The following PYCR2 variants were observed in gnomAD, a reference collection of about 807,000 sequenced individuals.
PYCR2 encodes the protein pyrroline-5-carboxylate reductase 2, also known as P5C reductase 2.
In PYCR2, 17 loss-of-function variants were observed where a neutral mutation model predicts 23.4. The observed-to-expected ratio is 0.73, with a 90% confidence interval of 0.50 to 1.09. The LOEUF (loss-of-function observed/expected upper bound fraction) is 1.09. Among genes scored for constraint, PYCR2 ranks in the 50% least tolerant of loss-of-function variants. The pLI is 0.00. For synonymous variants in PYCR2, 172 were observed against 176.6 expected, an observed-to-expected ratio of 0.97 and a Z score of 0.21; for missense variants, 380 against 423.5, an observed-to-expected ratio of 0.90 and a Z score of 0.90.
chr1:225,924,075 G>C lies in PYCR2; in HGVS notation c.36C>G (p.Ala12=). 1 of 1,545,328 alleles carries C rather than the reference G, an allele frequency of 6.5e-7. No homozygotes were observed. Among genetic ancestry groups the C allele is most frequent in the Non-Finnish European group, 8.7e-7 (1 of 1,148,244 alleles). Residue 12 remains alanine, a synonymous_variant, in exon 1 of 7, where the codon GCC becomes GCG. Coordinates refer to ENST00000343818, the MANE Select transcript of PYCR2 (RefSeq NM_013328.4). ...CCGTGAAGCCCCGCGCCAGAGCATA[G>C]GCCAGCTGGCCGGCCCCGATGAAGC... is the stretch of plus-strand genomic sequence containing the variant. ...SVGFIGAGQL[A]YALARGFTAA...
Position 225,922,380 on chromosome 1 carries a change from T to C in PYCR2, c.142A>G (p.Met48Val). 1.2e-6 allele frequency: 2 copies of C among 1,608,166 alleles called. No homozygotes were observed. Among genetic ancestry groups the C allele is most frequent in the African/African-American group, 1.3e-5 (1 of 74,926 alleles). ...TTGCTGCGTGTCAGGTTCACACCCATCTTCTGCAAGAGGAGACTCCCAGCT... is the reference window on the plus strand; with the variant it reads ...TTGCTGCGTGTCAGGTTCACACCCACCTTCTGCAAGAGGAGACTCCCAGCT... ...NLPTVSALRK[M>V]GVNLTRSNKE... The change falls in exon 3 of 7, where the codon ATG (methionine) becomes GTG (valine). Residue 48 changes from methionine (M) to valine (V), a missense_variant. By Grantham distance (21) the Met-to-Val change is conservative. Transcript: ENST00000343818.
rs201142342 is a variant in PYCR2 at position 225,921,578 on chromosome 1, T to C, written c.607A>G (p.Ile203Val). 1.0e-4 allele frequency: 166 copies of C among 1,614,126 alleles called. 1 individual carries two copies. In the East Asian group the frequency reaches 3.2e-3, roughly 31 times the overall value. ...VKMGLPRRLA[I>V]QLGAQALLGA... ...AGCAAAGCCTGGGCCCCGAGTTGGATTGCCAGGCGCCGTGGCAAACCCATC... is the reference window on the plus strand; with the variant it reads ...AGCAAAGCCTGGGCCCCGAGTTGGACTGCCAGGCGCCGTGGCAAACCCATC... Residue 203 changes from isoleucine (I) to valine (V), a missense_variant, in exon 5 of 7, where the codon ATC becomes GTC. Physicochemically the swap from Ile to Val is conservative, Grantham distance 29. Coordinates refer to ENST00000343818, the MANE Select transcript of PYCR2 (RefSeq NM_013328.4). This position sits in a 1 kb window ranked among gnomAD's most constrained non-coding sequence, Gnocchi z 4.2.
chr1:225,920,743 C>G, intron 6 of PYCR2, 123 bp from the exon 7 acceptor site: 2 of 1,118,524 alleles, frequency 1.8e-6, no homozygotes, highest in Non-Finnish European at 2.6e-6. Context: ...ATTAGAGCCC[C>G]AAGACAAACG....
Position 225,921,850 on chromosome 1 carries a change from G to A in PYCR2, c.540+8C>T. ...CTAGAAGGCTGAGCGAGCAAATGAG[G>A]GCCTCACATAGGCAGGCCCGCTGCC... On this transcript the variant is annotated splice_region_variant and intron_variant, in intron 4 of 6. Coordinates refer to ENST00000343818, the MANE Select transcript of PYCR2 (RefSeq NM_013328.4). The surrounding 1 kb of genome is among the most constrained non-coding windows in gnomAD (Gnocchi z 4.2). 6.2e-7 allele frequency: 1 copy of A among 1,612,768 alleles called. No homozygotes were observed. Among genetic ancestry groups the A allele is most frequent in the Non-Finnish European group, 8.5e-7 (1 of 1,179,940 alleles).
Position 225,921,635 on chromosome 1 carries a change from C to A in PYCR2, c.550G>T (p.Ala184Ser). Residue 184 changes from alanine to serine, a missense_variant, in exon 5 of 7, where the codon GCT becomes TCT. Coordinates refer to ENST00000343818, the MANE Select transcript of PYCR2 (RefSeq NM_013328.4). The surrounding 1 kb of genome is among the most constrained non-coding windows in gnomAD (Gnocchi z 4.2). ...SGSGPAYAFM[A>S]LDALADGGVK... The stretch of plus-strand genomic sequence containing the variant: ...CCACCATCAGCCAATGCGTCCAGAG[C>A]CATGAATGCCTGTGGAGACACTCAC... The A allele has an allele frequency of 6.2e-7, 1 of 1,614,222 alleles. No individual in the cohort carries two copies. Among genetic ancestry groups the A allele is most frequent in the East Asian group, 2.2e-5 (1 of 44,884 alleles).
In PYCR2 at chr1:225,924,132, G is replaced by A. The variant is rs931362467; in HGVS notation, c.-22C>T. 1 of 1,536,704 alleles carries A rather than the reference G, an allele frequency of 6.5e-7. No homozygotes were observed. The highest frequency in any genetic ancestry group is 1.2e-5 in the South Asian group (1 of 83,924). On this transcript the variant is annotated 5_prime_UTR_variant, in exon 1 of 7. Transcript: ENST00000343818. ...TCATGGTCCGCGGTTCACGCCTCCT[G>A]GGAGCCGCACGAACCCCCTCAGCGA...
Position 225,920,077 on chromosome 1 carries a change from C to A in PYCR2, c.*378G>T. ...AAGCCCGTTTCCTGTTTTCTCCTCA[C>A]CACTTTGCCTTGGCATCACACCAAC... On this transcript the variant is annotated 3_prime_UTR_variant, in exon 7 of 7. Transcript: ENST00000343818. 6.1e-6 allele frequency: 1 copy of A among 164,064 alleles called. No homozygotes were observed. The allele number at this position is 164,064 out of a possible 1,614,324, so 10.2% of individuals were successfully genotyped here. A position where few individuals can be genotyped will look rare whatever the true frequency, so the allele number is the denominator to read the frequency against.
intron 2 of PYCR2, 57 bp downstream of exon 2, chr1:225,923,644 C>T: frequency 2.5e-6 from 4 of 1,611,938 alleles, no homozygotes; most frequent in Non-Finnish European, 3.4e-6. Flanking sequence ...CACTTCATCT[C>T]AGGTCATCCT....
rs748022144 is a variant in PYCR2 at position 225,921,972 on chromosome 1, C to A, written c.426G>T (p.Leu142=). 3.7e-6 allele frequency: 6 copies of A among 1,614,150 alleles called. No individual in the cohort carries two copies. The South Asian group carries it at 6.6e-5, about 18-fold the overall frequency. The change falls in exon 4 of 7, where the codon CTG becomes CTT. Residue 142 remains leucine (L), a synonymous_variant. Transcript: ENST00000343818. This position sits in a 1 kb window ranked among gnomAD's most constrained non-coding sequence, Gnocchi z 4.2. ...ATVYATGTHA[L]VEDGQLLEQL... is the part of the protein sequence containing the mutation. ...GCTCCAGGAGCTGCCCATCCTCCAC[C>A]AGGGCATGGGTGCCCGTGGCGTACA...
chr1:225,921,657 T>C lies in PYCR2; in HGVS notation c.541-13A>G. 3.7e-6 allele frequency: 6 copies of C among 1,613,882 alleles called. No homozygotes were observed. The highest frequency in any genetic ancestry group is 4.2e-6 in the Non-Finnish European group (5 of 1,179,808). On this transcript the variant is annotated splice_polypyrimidine_tract_variant and intron_variant, in intron 4 of 6. Coordinates refer to ENST00000343818, the MANE Select transcript of PYCR2 (RefSeq NM_013328.4). This position sits in a 1 kb window ranked among gnomAD's most constrained non-coding sequence, Gnocchi z 4.2. The stretch of plus-strand genomic sequence containing the variant: ...GAGCCATGAATGCCTGTGGAGACAC[T>C]CACTAAGCCCCAGGCCATAGGCACT...
Position 225,924,041 on chromosome 1 carries a change from T to C in PYCR2, c.67+3A>G. On this transcript the variant is annotated splice_donor_region_variant and intron_variant, in intron 1 of 6. Coordinates refer to ENST00000343818, the MANE Select transcript of PYCR2 (RefSeq NM_013328.4). ...AAGCCGCCTCCCGCCTCCACGCGCTTGCCTGCGGCCGTGAAGCCCCGCGCC... is the reference window on the plus strand; with the variant it reads ...AAGCCGCCTCCCGCCTCCACGCGCTCGCCTGCGGCCGTGAAGCCCCGCGCC... 1 of 1,536,564 alleles carries C rather than the reference T, an allele frequency of 6.5e-7. No homozygotes were observed. The highest frequency in any genetic ancestry group is 8.7e-7 in the Non-Finnish European group (1 of 1,144,648).
Position 225,921,648 on chromosome 1 carries a change from T to C in PYCR2, c.541-4A>G. On this transcript the variant is annotated splice_region_variant and splice_polypyrimidine_tract_variant and intron_variant, in intron 4 of 6. Transcript: ENST00000343818. This position sits in a 1 kb window ranked among gnomAD's most constrained non-coding sequence, Gnocchi z 4.2. ...ATGCGTCCAGAGCCATGAATGCCTG[T>C]GGAGACACTCACTAAGCCCCAGGCC... 1 of 1,614,164 alleles carries C rather than the reference T, an allele frequency of 6.2e-7. No individual in the cohort carries two copies. The highest frequency in any genetic ancestry group is 8.5e-7 in the Non-Finnish European group (1 of 1,179,996).
At position 225,920,303 on chromosome 1, in the gene PYCR2, A is replaced by T. The variant is rs1460659131; in HGVS notation, c.*152T>A. 4 of 660,638 alleles carry T rather than the reference A, an allele frequency of 6.1e-6. No homozygotes were observed. Among genetic ancestry groups the T allele is most frequent in the South Asian group, 5.9e-5 (2 of 33,982 alleles). 40.9% of individuals were successfully genotyped at this position (660,638 alleles called of 1,614,324 possible). A position where few individuals can be genotyped will look rare whatever the true frequency, so the allele number is the denominator to read the frequency against. On this transcript the variant is annotated 3_prime_UTR_variant, in exon 7 of 7. Transcript: ENST00000343818. Reference sequence around the variant, plus strand: ...TTGCTTGGTCTGAACAGATTTAAGGAGGTTTTATCACAAGGACCTGAAAAC... The same window carrying T: ...TTGCTTGGTCTGAACAGATTTAAGGTGGTTTTATCACAAGGACCTGAAAAC...
Position 225,921,956 on chromosome 1 carries a change from G to A in PYCR2, c.442C>T (p.Leu148Phe). 4 of 1,614,130 alleles carry A rather than the reference G, an allele frequency of 2.5e-6. No homozygotes were observed. Among genetic ancestry groups the A allele is most frequent in the Non-Finnish European group, 3.4e-6 (4 of 1,180,018 alleles). Residue 148 changes from leucine (L) to phenylalanine (F), a missense_variant, in exon 4 of 7, where the codon CTC becomes TTC. By Grantham distance (22) the Leu-to-Phe change is conservative. Transcript: ENST00000343818. This position sits in a 1 kb window ranked among gnomAD's most constrained non-coding sequence, Gnocchi z 4.2. ...GTHALVEDGQ[L>F]LEQLMSSVGF... ...ACGCTGCTCATGAGCTGCTCCAGGA[G>A]CTGCCCATCCTCCACCAGGGCATGG... is the stretch of plus-strand genomic sequence containing the variant.
chr1:225,922,069 G>A lies in PYCR2; in HGVS notation c.329C>T (p.Ala110Val). 6.2e-7 allele frequency: 1 copy of A among 1,613,936 alleles called. No individual in the cohort carries two copies. Residue 110 changes from alanine (A) to valine (V), a missense_variant, in exon 4 of 7, where the codon GCA (alanine) becomes GTA (valine). Transcript: ENST00000343818. ...AATCACTTTGGGGGCTGGCTGGAAT[G>A]CCATCAGCTTCTAGGGTGAGGGAGA... ...TISSVEKKLM[A>V]FQPAPKVIRC...
rs1354991380 is a variant in PYCR2 at position 225,924,223 on chromosome 1, C to T, written c.-113G>A. On this transcript the variant is annotated 5_prime_UTR_variant, in exon 1 of 7. Coordinates refer to ENST00000343818, the MANE Select transcript of PYCR2 (RefSeq NM_013328.4). ...GGGCGAACGGGCGGCGTGCCGAGGA[C>T]CGGCGAGCTAACAGCAGCTTCTGGG... The T allele has an allele frequency of 9.8e-6, 12 of 1,230,672 alleles. No individual in the cohort carries two copies. Among genetic ancestry groups the T allele is most frequent in the Non-Finnish European group, 1.3e-5 (12 of 906,634 alleles). 76.2% of individuals were successfully genotyped at this position (1,230,672 alleles called of 1,614,324 possible).
At chr1:225,923,970 C>T (rs1671920027) in intron 1 of PYCR2, 74 bp downstream of exon 1, 3 of 1,514,140 alleles carry the variant, frequency 2.0e-6, no homozygotes, top group Admixed American at 2.0e-5. Context: ...TTCATTCGCT[C>T]ATGCTGGTGG....
Position 225,921,972 on chromosome 1 carries a change from C to G in PYCR2, c.426G>C (p.Leu142=). 6.2e-7 allele frequency: 1 copy of G among 1,614,150 alleles called. No individual in the cohort carries two copies. ...ATVYATGTHA[L]VEDGQLLEQL... Reference sequence around the variant, plus strand: ...GCTCCAGGAGCTGCCCATCCTCCACCAGGGCATGGGTGCCCGTGGCGTACA... The same window carrying G: ...GCTCCAGGAGCTGCCCATCCTCCACGAGGGCATGGGTGCCCGTGGCGTACA... The change falls in exon 4 of 7, where the codon CTG becomes CTC. Residue 142 remains leucine (L), a synonymous_variant. Transcript: ENST00000343818. This position sits in a 1 kb window ranked among gnomAD's most constrained non-coding sequence, Gnocchi z 4.2.
At position 225,924,178 on chromosome 1, in the gene PYCR2, G is replaced by A; in HGVS notation, c.-68C>T. The A allele has an allele frequency of 1.3e-6, 2 of 1,487,248 alleles. No homozygotes were observed. The highest frequency in any genetic ancestry group is 1.8e-6 in the Non-Finnish European group (2 of 1,114,966). The allele number at this position is 1,487,248 out of a possible 1,614,324, so 92.1% of individuals were successfully genotyped here. ...AGCGAGGGACCGGAAGTAACGCTAG[G>A]GGAAGGGCGGACAGCGCAGGGGCGA... On this transcript the variant is annotated 5_prime_UTR_variant, in exon 1 of 7. Coordinates refer to ENST00000343818, the MANE Select transcript of PYCR2 (RefSeq NM_013328.4).
Sources: gnomAD v4.1 joint callset for allele counts on GRCh38, gnomAD v4.1.1 for gene constraint, Gnocchi (gnomAD v3.1) non-coding constraint, MANE v1.5 for transcripts, NCBI Gene and HGNC (gene_info 2026-07-23, HGNC 2026-07-21) for gene names.